The following RTN4 variants were observed in gnomAD, a reference collection of about 807,000 sequenced individuals.
RTN4 encodes reticulon-4.
RTN4 carries 32 observed loss-of-function variants against 90.4 expected under a neutral mutation model. The observed-to-expected ratio is 0.35, with a 90% CI of 0.27 to 0.48. The LOEUF (loss-of-function observed/expected upper bound fraction) is 0.48, where lower values mean the gene tolerates loss of function less well. RTN4 is among the 20% of genes least tolerant of loss of function. RTN4 has a pLI of 0.99. For missense variants in RTN4, 1,706 were observed against 1,430.2 expected (o/e 1.19, Z -3.11); for synonymous variants, 629 against 552.5 (o/e 1.14, Z -1.94).
At chr2:55,067,846 T>C (rs1668421875) in intron 2 of RTN4, among the ~76,000 whole-genome samples, 2 of 152,256 alleles carry the variant, frequency 1.3e-5, no homozygotes, top group African/African-American at 4.8e-5. Context: ...AGATTTTAAA[T>C]ATTTATTTTA....
At chr2:55,035,330 A>C (rs1682601010) in intron 1 of RTN4, among the ~76,000 whole-genome samples, 1 of 152,206 alleles carries the variant, frequency 6.6e-6, no homozygotes, top group African/African-American at 2.4e-5. Flanking sequence ...TTCTACAATG[A>C]ATTAAATCAC....
intron 1 of RTN4, among the ~76,000 whole-genome samples, chr2:55,092,135 A>G (rs1215695199): frequency 1.3e-5 from 2 of 150,558 alleles, no homozygotes; most frequent in African/African-American, 4.9e-5. Context: ...GGCTGCAGTG[A>G]GCTGAGATGG....
Position 54,973,593 on chromosome 2 carries a change from G to A in RTN4, c.3506C>T (p.Ala1169Val), listed in dbSNP as rs752175256. The A allele has an allele frequency of 6.2e-7, 1 of 1,610,004 alleles. No individual in the cohort carries two copies. Among genetic ancestry groups the A allele is most frequent in the Non-Finnish European group, 8.5e-7 (1 of 1,176,510 alleles). ...QAQIDHYLGL[A>V]NKNVKDAMAK... ...CATAGCATCTTTAACATTCTTATTT[G>A]CAAGTCCTAGATAATGATCTATCTG... The change falls in exon 8 of 9, where the codon GCA (alanine) becomes GTA (valine). Residue 1169 changes from alanine (A) to valine (V), a missense_variant. Ala to Val is a moderately conservative substitution (Grantham distance 64). Transcript: ENST00000337526.
chr2:55,043,637 G>C (rs1024277019), intron 1 of RTN4, among the ~76,000 whole-genome samples: 1 of 152,104 alleles, frequency 6.6e-6, no homozygotes, highest in Non-Finnish European at 1.5e-5. Context: ...TGTAATCCCA[G>C]AATTGTGGGA....
intron 3 of RTN4, among the ~76,000 whole-genome samples, chr2:54,999,218 A>G (rs1475592541): frequency 6.6e-6 from 1 of 152,230 alleles, no homozygotes; most frequent in African/African-American, 2.4e-5. Context: ...TTTTAATTCA[A>G]AATAACTCAG....
rs756580884 is a variant in RTN4 at position 54,982,689 on chromosome 2, G to A, written c.3222-36C>T. On this transcript the variant is annotated intron_variant, in intron 4 of 8. Transcript: ENST00000337526. ...AAACACATCATAATTGTCACTAATT[G>A]GAGTGATTTTCCCCTAAATGTCAAT... is the stretch of plus-strand genomic sequence containing the variant. The A allele has an allele frequency of 4.5e-6, 7 of 1,564,178 alleles. No individual in the cohort carries two copies. The East Asian group carries it at 1.4e-4, about 31-fold the overall frequency.
chr2:55,029,774 G>C (rs909284301), intron 1 of RTN4, among the ~76,000 whole-genome samples: 2 of 152,170 alleles, frequency 1.3e-5, no homozygotes, highest in African/African-American at 4.8e-5. Context: ...CTCCAACCTA[G>C]AGCACTAGGT....
chr2:55,068,689 T>TGGGGGGG (rs1668437281), intron 2 of RTN4, among the ~76,000 whole-genome samples: 1 of 57,400 alleles, frequency 1.7e-5, no homozygotes, highest in Non-Finnish European at 3.5e-5. Flanking sequence ...GGGGGGGGGG[T>TGGGGGGG]GGGGGCTAGT....
chr2:55,092,825 G>C (rs1668964231), intron 1 of RTN4, among the ~76,000 whole-genome samples: 1 of 152,258 alleles, frequency 6.6e-6, no homozygotes. Context: ...ACTAGAGCTA[G>C]AAGCGGCCCC....
chr2:55,117,038 T>C (rs1200372224), upstream of RTN4, among the ~76,000 whole-genome samples: 1 of 152,108 alleles, frequency 6.6e-6, no homozygotes, highest in African/African-American at 2.4e-5. Flanking sequence ...CATGCCTGGC[T>C]GATTTTTGTA....
chr2:55,027,620 A>C, intron 2 of RTN4, 135 bp from the exon 3 acceptor site: 1 of 840,386 alleles, frequency 1.2e-6, no homozygotes, highest in Non-Finnish European at 1.8e-6. Context: ...GCAATTAATA[A>C]GTAACAATAG....
intron 5 of RTN4, among the ~76,000 whole-genome samples, chr2:54,981,249 T>C (rs1243551040): frequency 6.6e-6 from 1 of 151,054 alleles, no homozygotes; most frequent in Admixed American, 6.6e-5. Flanking sequence ...AAATAACGTA[T>C]CAACTACTAG....
At chr2:55,128,192 C>T in the RTN4 span, among the ~76,000 whole-genome samples, 24 of 152,116 alleles carry the variant, frequency 1.6e-4, no homozygotes, top group African/African-American at 5.6e-4. Context: ...GAGGACAGAG[C>T]ATGTCCTCAA....
chr2:55,045,403 T>G (rs1243602659), intron 1 of RTN4, among the ~76,000 whole-genome samples: 1 of 152,232 alleles, frequency 6.6e-6, no homozygotes, highest in Non-Finnish European at 1.5e-5. Context: ...CTCCCTTCTA[T>G]TCCATTTTCA....
chr2:55,129,400 T>C, the RTN4 span, among the ~76,000 whole-genome samples: 2 of 151,850 alleles, frequency 1.3e-5, no homozygotes. Context: ...ATAGAGAGAC[T>C]GTGTCTCTCT....
chr2:55,035,004 C>T (rs865851989), intron 1 of RTN4, among the ~76,000 whole-genome samples: 3 of 151,938 alleles, frequency 2.0e-5, no homozygotes, highest in African/African-American at 7.3e-5. Flanking sequence ...CAGCTAAAAC[C>T]CCAACAGAGG....
intron 1 of RTN4, among the ~76,000 whole-genome samples, chr2:55,088,103 T>C (rs1291889193): frequency 6.6e-6 from 1 of 152,236 alleles, no homozygotes; most frequent in Non-Finnish European, 1.5e-5. Context: ...GTGCCTTGTA[T>C]GCACAGCTAG....
In RTN4 at chr2:55,025,426, G is replaced by A. The variant is rs1681760171; in HGVS notation, c.2673C>T (p.Asp891=). Reference sequence around the variant, plus strand: ...TTTCACTTTTGTGGGATACTTCTAGGTCAGTATATTCCCTGGCTAATTTAG... The same window carrying A: ...TTTCACTTTTGTGGGATACTTCTAGATCAGTATATTCCCTGGCTAATTTAG... ...SFSKLAREYT[D]LEVSHKSEIA... Residue 891 remains aspartate, a synonymous_variant, in exon 3 of 9, where the codon GAC becomes GAT. Coordinates refer to ENST00000337526, the MANE Select transcript of RTN4 (RefSeq NM_020532.5). 8.7e-6 allele frequency: 14 copies of A among 1,613,826 alleles called. No individual in the cohort carries two copies. The highest frequency in any genetic ancestry group is 1.2e-5 in the Non-Finnish European group (14 of 1,179,856).
chr2:55,067,199 G>A (rs1040582753), intron 2 of RTN4, among the ~76,000 whole-genome samples: 7 of 152,088 alleles, frequency 4.6e-5, no homozygotes, highest in African/African-American at 1.7e-4. Flanking sequence ...GCTGCTTGAT[G>A]ATTGCTCTGA....
Sources: allele counts gnomAD v4.1 joint callset (sites outside exome capture counted in the v4.1 genomes callset), GRCh38; gene constraint gnomAD v4.1.1; transcripts MANE v1.5; gene names NCBI Gene and HGNC (gene_info 2026-07-23, HGNC 2026-07-21).